Variants in RELN observed in about 807,000 individuals in gnomAD.
RELN encodes the protein reelin.
In RELN, 108 loss-of-function variants were observed where a neutral mutation model predicts 427.6. That is an observed-to-expected ratio of 0.25 (90% CI 0.22 to 0.30). RELN has a LOEUF of 0.30. Among genes scored for constraint, RELN ranks in the 10% least tolerant of loss-of-function variants. RELN has a pLI of 1.00. For missense variants in RELN, 3,715 were observed against 4,302.8 expected (o/e 0.86, Z 3.82); for synonymous variants, 1,524 against 1,513.4 (o/e 1.01, Z -0.16).
chr7:103,532,859 C>A (rs1268953313), intron 46 of RELN, among the ~76,000 whole-genome samples: 1 of 152,154 alleles, frequency 6.6e-6, no homozygotes, highest in African/African-American at 2.4e-5. Context: ...TACCTGTTCT[C>A]CATCACTTAT....
chr7:103,916,825 A>G (rs541827839), intron 2 of RELN, among the ~76,000 whole-genome samples: 13 of 152,264 alleles, frequency 8.5e-5, no homozygotes, highest in Admixed American at 7.9e-4. Flanking sequence ...CCAGAGGACC[A>G]AGTATAATTG....
chr7:103,950,511 GTTTA>G (rs1466239222), intron 1 of RELN, among the ~76,000 whole-genome samples: 1 of 152,070 alleles, frequency 6.6e-6, no homozygotes, highest in African/African-American at 2.4e-5. Flanking sequence ...ACCCAGATAT[GTTTA>G]TTTAAAGTGG....
chr7:103,573,850 T>C lies in RELN; in HGVS notation c.4511+242A>G, dbSNP rs1035876331. The stretch of plus-strand genomic sequence containing the variant: ...CAAACTTCAGAAAATCAAGCTGGCA[T>C]ACCCTAGACACACAGGCCTTGGTGA... On this transcript the variant is annotated intron_variant, in intron 30 of 64. Transcript: ENST00000428762. The surrounding 1 kb of genome is among the most constrained non-coding windows in gnomAD (Gnocchi z 4.4). 1.3e-5 allele frequency among the ~76,000 whole-genome samples: 2 copies of C among 152,192 alleles called. No individual in the cohort carries two copies. Among genetic ancestry groups the C allele is most frequent in the African/African-American group, 4.8e-5 (2 of 41,450 alleles).
intron 50 of RELN, among the ~76,000 whole-genome samples, chr7:103,511,916 A>G (rs1211599930): frequency 2.0e-5 from 3 of 152,206 alleles, no homozygotes; most frequent in Non-Finnish European, 2.9e-5. Context: ...TGATACTATC[A>G]CCACAAGCAG....
chr7:103,710,619 T>A (rs1003287536), intron 8 of RELN, among the ~76,000 whole-genome samples: 3 of 152,222 alleles, frequency 2.0e-5, no homozygotes, highest in Admixed American at 1.3e-4. Flanking sequence ...AAAATCTAAA[T>A]GACATGATCA....
intron 1 of RELN, among the ~76,000 whole-genome samples, chr7:103,979,873 A>AT (rs1451608715): frequency 6.6e-6 from 1 of 152,142 alleles, no homozygotes; most frequent in African/African-American, 2.4e-5. Context: ...ATTACTTAAA[A>AT]TTTTTTGGCC....
At chr7:103,844,746 A>T (rs2116444424) in intron 2 of RELN, among the ~76,000 whole-genome samples, 1 of 152,378 alleles carries the variant, frequency 6.6e-6, no homozygotes, top group South Asian at 2.1e-4. Flanking sequence ...ATGATTAAGT[A>T]AAACAATTCA....
chr7:103,571,961 C>T (rs901745447), intron 31 of RELN, among the ~76,000 whole-genome samples: 12 of 152,266 alleles, frequency 7.9e-5, no homozygotes, highest in Non-Finnish European at 8.8e-5. Flanking sequence ...TTTGATTCTG[C>T]CTACACCCAG....
At chr7:103,611,945 C>T in intron 20 of RELN, 142 bp from the exon 21 acceptor site, 6 of 706,992 alleles carry the variant, frequency 8.5e-6, no homozygotes, top group East Asian at 2.7e-5. Flanking sequence ...GGATTTCGGT[C>T]AATCTAATAA....
intron 32 of RELN, 65 bp downstream of exon 32, chr7:103,566,536 C>A: frequency 1.3e-6 from 2 of 1,599,564 alleles, no homozygotes; most frequent in Non-Finnish European, 1.7e-6. Context: ...ACACACAGTG[C>A]AAGGTGGGTA....
At chr7:103,672,901 TG>T (rs2115635145) in intron 11 of RELN, among the ~76,000 whole-genome samples, 1 of 152,264 alleles carries the variant, frequency 6.6e-6, no homozygotes, top group East Asian at 1.9e-4. Flanking sequence ...TATCCCTTTT[TG>T]GTCTTTTAAT....
chr7:103,938,812 G>A (rs972291406), intron 1 of RELN, among the ~76,000 whole-genome samples: 17 of 152,190 alleles, frequency 1.1e-4, no homozygotes, highest in African/African-American at 3.9e-4. Context: ...GCAGCTTTCG[G>A]GAGTAGATGA....
intron 16 of RELN, among the ~76,000 whole-genome samples, chr7:103,642,569 C>T (rs1464009471): frequency 6.6e-6 from 1 of 152,042 alleles, no homozygotes; most frequent in Non-Finnish European, 1.5e-5. Context: ...TCCCATTCTA[C>T]TCAAAGCATG....
At chr7:103,637,372 C>A (rs1385529580) in intron 17 of RELN, among the ~76,000 whole-genome samples, 1 of 152,140 alleles carries the variant, frequency 6.6e-6, no homozygotes, top group Non-Finnish European at 1.5e-5. Flanking sequence ...CTGAAACAAG[C>A]CTTTACAAAG....
intron 2 of RELN, among the ~76,000 whole-genome samples, chr7:103,885,066 A>G (rs6465940): frequency 0.78 from 119,052 of 152,168 alleles, 46,632 homozygotes; most frequent in East Asian, 0.87. Context: ...ATAGGCAGGC[A>G]TAGTGGCTCA....
intron 2 of RELN, among the ~76,000 whole-genome samples, chr7:103,842,185 T>C (rs1051923824): frequency 6.6e-6 from 1 of 152,256 alleles, no homozygotes; most frequent in South Asian, 2.1e-4. Context: ...ATATCTAAGA[T>C]GATTTCCATT....
At chr7:103,919,079 T>C (rs555496931) in intron 1 of RELN, among the ~76,000 whole-genome samples, 2 of 152,232 alleles carry the variant, frequency 1.3e-5, no homozygotes, top group East Asian at 3.9e-4. Context: ...AAGCATTCCT[T>C]TTCCTCGTTT....
At chr7:103,966,239 C>T (rs1334540866) in intron 1 of RELN, among the ~76,000 whole-genome samples, 1 of 80,410 alleles carries the variant, frequency 1.2e-5, no homozygotes, top group Admixed American at 1.2e-4. Context: ...AGTTCTGGCT[C>T]GCAGGTGGCC....
chr7:103,960,567 A>C (rs559305744), intron 1 of RELN, among the ~76,000 whole-genome samples: 1 of 152,202 alleles, frequency 6.6e-6, no homozygotes, highest in Admixed American at 6.5e-5. Flanking sequence ...AATATCTGGC[A>C]TATTTGACAG....
Sources: allele counts gnomAD v4.1 joint callset (sites outside exome capture counted in the v4.1 genomes callset), GRCh38; gene constraint gnomAD v4.1.1; non-coding constraint Gnocchi (gnomAD v3.1); transcripts MANE v1.5; gene names NCBI Gene and HGNC (gene_info 2026-07-23, HGNC 2026-07-21).